Variants in IL1RAPL1 observed in about 807,000 individuals in gnomAD.
IL1RAPL1 encodes the protein interleukin 1 receptor accessory protein like 1.
A neutral mutation model predicts 48.4 loss-of-function variants in IL1RAPL1; 3 were observed. The ratio of observed to expected loss-of-function variants is 0.06; its 90% CI spans 0.03 to 0.16. The LOEUF (loss-of-function observed/expected upper bound fraction) is 0.16. Among genes scored for constraint, IL1RAPL1 ranks in the 10% least tolerant of loss-of-function variants. The pLI is 1.00. For missense variants in IL1RAPL1, 349 were observed against 530.6 expected, an observed-to-expected ratio of 0.66 and a Z score of 3.36; for synonymous variants, 185 against 187.7, an observed-to-expected ratio of 0.99 and a Z score of 0.12.
At chrX:29,628,084 G>A (rs1312680011) in intron 5 of IL1RAPL1, among the ~76,000 whole-genome samples, 1 of 112,066 alleles carries the variant, frequency 8.9e-6, no homozygotes, top group African/African-American at 3.2e-5. Flanking sequence ...GACTCATCCC[G>A]TGAGGTAAAA....
At position 29,046,248 on chromosome X, in the gene IL1RAPL1, G is replaced by T. The variant is rs1281414752; in HGVS notation, c.83-236690G>T. 1.5e-4 allele frequency among the ~76,000 whole-genome samples: 17 copies of T among 109,972 alleles called. No homozygotes were observed. In the Admixed American group the frequency reaches 1.7e-3, roughly 11 times the overall value. On this transcript the variant is annotated intron_variant, in intron 2 of 10. Transcript: ENST00000378993. ...AAAAAAATTCTTTTTAGAGACGATG[G>T]GGCCTTACTATGTTACCCAGACTGG...
At chrX:29,651,834 A>G (rs1276963619) in intron 5 of IL1RAPL1, among the ~76,000 whole-genome samples, 1 of 111,686 alleles carries the variant, frequency 9.0e-6, no homozygotes, top group African/African-American at 3.2e-5. Flanking sequence ...GTTAGATTTA[A>G]CCATTCTACA....
chrX:29,681,781 C>T (rs1288406903), intron 6 of IL1RAPL1, among the ~76,000 whole-genome samples: 1 of 111,348 alleles, frequency 9.0e-6, no homozygotes, highest in African/African-American at 3.3e-5. Flanking sequence ...TCATCAGAGT[C>T]GAGAGTTGGG....
chrX:29,051,715 G>T (rs1169416421), intron 2 of IL1RAPL1, among the ~76,000 whole-genome samples: 1 of 111,821 alleles, frequency 8.9e-6, no homozygotes, highest in African/African-American at 3.3e-5. Flanking sequence ...TTATCATTCA[G>T]ACGTATGTGA....
Position 29,956,467 on chromosome X carries a change from T to A in IL1RAPL1, c.*647T>A, listed in dbSNP as rs1467734402. ...TAATGGCGGCATGATGTGTAAACTC[T>A]GTGCAGGGGTGGGGGCGGGTCTAAC... On this transcript the variant is annotated 3_prime_UTR_variant, in exon 11 of 11. Coordinates refer to ENST00000378993, the MANE Select transcript of IL1RAPL1 (RefSeq NM_014271.4). The A allele has an allele frequency of 9.2e-6, 1 of 108,856 alleles. No homozygotes were observed. Among genetic ancestry groups the A allele is most frequent in the African/African-American group, 3.4e-5 (1 of 29,298 alleles). 9.0% of individuals were successfully genotyped at this position (108,856 alleles called of 1,213,427 possible). A position where few individuals can be genotyped will look rare whatever the true frequency, so the allele number is the denominator to read the frequency against.
intron 6 of IL1RAPL1, among the ~76,000 whole-genome samples, chrX:29,803,497 ATACATATGTG>A (rs1224812365): frequency 3.1e-5 from 3 of 97,339 alleles, no homozygotes; most frequent in African/African-American, 1.2e-4. Flanking sequence ...ACATCTATGT[ATACATATGTG>A]TATATATGTA....
In IL1RAPL1 at chrX:29,955,868, C is replaced by T. The variant is rs371562657; in HGVS notation, c.*48C>T. 1.0e-5 allele frequency: 10 copies of T among 971,277 alleles called. No homozygotes were observed. The African/African-American group carries it at 1.3e-4, about 13-fold the overall frequency. 80.0% of individuals were successfully genotyped at this position (971,277 alleles called of 1,213,427 possible). A position where few individuals can be genotyped will look rare whatever the true frequency, so the allele number is the denominator to read the frequency against. Reference sequence around the variant, plus strand: ...TCCCTGGGAGGTTGAGTGGAATCTGCAGTCCAGTGCCTGGAACTAAATCCT... The same window carrying T: ...TCCCTGGGAGGTTGAGTGGAATCTGTAGTCCAGTGCCTGGAACTAAATCCT... On this transcript the variant is annotated 3_prime_UTR_variant, in exon 11 of 11. Coordinates refer to ENST00000378993, the MANE Select transcript of IL1RAPL1 (RefSeq NM_014271.4).
chrX:29,764,065 C>T (rs897457286), intron 6 of IL1RAPL1, among the ~76,000 whole-genome samples: 1 of 110,987 alleles, frequency 9.0e-6, no homozygotes, highest in Non-Finnish European at 1.9e-5. Flanking sequence ...AACAAAAAAG[C>T]CCTTAAAGCG....
chrX:28,739,201 C>A (rs1345409537), intron 1 of IL1RAPL1, among the ~76,000 whole-genome samples: 1 of 111,159 alleles, frequency 9.0e-6, no homozygotes, highest in Non-Finnish European at 1.9e-5. Flanking sequence ...TATTTGAATG[C>A]CACCTTCACT....
intron 5 of IL1RAPL1, among the ~76,000 whole-genome samples, chrX:29,494,168 T>TG (rs1935189418): frequency 8.9e-6 from 1 of 111,966 alleles, no homozygotes; most frequent in Non-Finnish European, 1.9e-5. Flanking sequence ...CCCAAAGTGC[T>TG]GGGATTACAG....
intron 2 of IL1RAPL1, among the ~76,000 whole-genome samples, chrX:29,000,929 G>T (rs1439455053): frequency 9.6e-6 from 1 of 104,137 alleles, no homozygotes; most frequent in Admixed American, 1.1e-4. Context: ...TTTTTTCAGA[G>T]TGTGATCTTC....
chrX:29,794,176 A>T (rs1929693486), intron 6 of IL1RAPL1, among the ~76,000 whole-genome samples: 1 of 111,747 alleles, frequency 8.9e-6, no homozygotes, highest in South Asian at 3.8e-4. Context: ...AGTTGGAGTA[A>T]ACTAACCCAA....
intron 8 of IL1RAPL1, among the ~76,000 whole-genome samples, chrX:29,938,266 G>A (rs1353192737): frequency 2.7e-5 from 3 of 112,035 alleles, no homozygotes; most frequent in Admixed American, 1.9e-4. Flanking sequence ...GTAGAGACCA[G>A]TATTATAAAT....
At position 29,494,120 on chromosome X, in the gene IL1RAPL1, C is replaced by T. The variant is rs201715964; in HGVS notation, c.703+94812C>T. ...GTTTCACCATATTGGTCAGGCTCGT[C>T]TCAAACCCCTGACCTCATGATCTTC... On this transcript the variant is annotated intron_variant, in intron 5 of 10. Coordinates refer to ENST00000378993, the MANE Select transcript of IL1RAPL1 (RefSeq NM_014271.4). Among the ~76,000 whole-genome samples the T allele has an allele frequency of 1.4e-4, 15 of 109,959 alleles. No individual in the cohort carries two copies. The East Asian group carries it at 3.2e-3, about 23-fold the overall frequency.
chrX:28,950,748 T>C (rs2147354938), intron 2 of IL1RAPL1, among the ~76,000 whole-genome samples: 1 of 106,427 alleles, frequency 9.4e-6, no homozygotes, highest in South Asian at 4.4e-4. Flanking sequence ...GAAATACCAT[T>C]TGACCCAGCC....
At chrX:28,607,433 A>T (rs1212587075) in intron 1 of IL1RAPL1, among the ~76,000 whole-genome samples, 2 of 111,353 alleles carry the variant, frequency 1.8e-5, no homozygotes, top group Non-Finnish European at 3.8e-5. Context: ...GTTCTCTCAT[A>T]TGTTCATCAT....
At chrX:29,230,518 A>ACAAAAAAC (rs1306312366) in intron 2 of IL1RAPL1, among the ~76,000 whole-genome samples, 6 of 78,985 alleles carry the variant, frequency 7.6e-5, no homozygotes, top group African/African-American at 3.3e-4. Context: ...AAAAAAAAAA[A>ACAAAAAAC]AAAAAAAAAA....
rs753188364 is a variant in IL1RAPL1 at position 29,319,558 on chromosome X, G to GTATCTATC, written c.362+36354_362+36361dup. Among the ~76,000 whole-genome samples, 637 of 81,997 alleles carry GTATCTATC rather than the reference G, an allele frequency of 7.8e-3. 4 individuals are homozygous for GTATCTATC. Among genetic ancestry groups the GTATCTATC allele is most frequent in the East Asian group, 0.012 (34 of 2,775 alleles). 71.2% of individuals were successfully genotyped at this position (81,997 alleles called of 115,157 possible). A position where few individuals can be genotyped will look rare whatever the true frequency, so the allele number is the denominator to read the frequency against. On this transcript the variant is annotated intron_variant, in intron 3 of 10. Coordinates refer to ENST00000378993, the MANE Select transcript of IL1RAPL1 (RefSeq NM_014271.4). ...TGTATGTATGTATGTATGTATGTAT[G>GTATCTATC]TATCTATCTATCTATCTATCCATCC... is the stretch of plus-strand genomic sequence containing the variant.
chrX:29,393,256 G>A (rs1477458040), intron 3 of IL1RAPL1, among the ~76,000 whole-genome samples: 1 of 111,565 alleles, frequency 9.0e-6, no homozygotes, highest in Non-Finnish European at 1.9e-5. Flanking sequence ...CGAGTAGCTG[G>A]GACTACAGGC....
Sources: allele counts gnomAD v4.1 joint callset (sites outside exome capture counted in the v4.1 genomes callset), GRCh38; gene constraint gnomAD v4.1.1; transcripts MANE v1.5; gene names NCBI Gene and HGNC (gene_info 2026-07-23, HGNC 2026-07-21).